The following ADK variants were observed in gnomAD, a reference collection of about 807,000 sequenced individuals.
ADK encodes the protein N6,N6-dimethyladenosine kinase.
Under a neutral mutation model 44.7 loss-of-function variants are expected in ADK, and 24 were observed. The ratio of observed to expected loss-of-function variants is 0.54; its 90% CI spans 0.39 to 0.76. The LOEUF is 0.76. ADK is among the 30% of genes least tolerant of loss of function. The probability of loss-of-function intolerance (pLI) is 0.00; values close to 1 mark genes in which losing one functional copy is unlikely to be tolerated. For missense variants in ADK, 321 were observed against 425.1 expected, an observed-to-expected ratio of 0.76 and a Z score of 2.15; for synonymous variants, 128 against 142.6, an observed-to-expected ratio of 0.90 and a Z score of 0.73.
intron 6 of ADK, among the ~76,000 whole-genome samples, chr10:74,507,033 A>C (rs1848103458): frequency 6.6e-6 from 1 of 152,224 alleles, no homozygotes; most frequent in African/African-American, 2.4e-5. Context: ...TTTTTTAATG[A>C]GATTTTAAAA....
At chr10:74,386,527 T>G (rs1843146744) in intron 4 of ADK, among the ~76,000 whole-genome samples, 1 of 152,212 alleles carries the variant, frequency 6.6e-6, no homozygotes, top group South Asian at 2.1e-4. Context: ...TGCCATTTAT[T>G]TAGGCCTTAT....
At chr10:74,255,508 A>G (rs1342307174) in intron 3 of ADK, among the ~76,000 whole-genome samples, 3 of 152,156 alleles carry the variant, frequency 2.0e-5, no homozygotes, top group East Asian at 1.9e-4. Flanking sequence ...TATCTTGTCA[A>G]TTAACTGGGG....
chr10:74,203,533 T>TC (rs1481679709), intron 2 of ADK, among the ~76,000 whole-genome samples: 1 of 151,592 alleles, frequency 6.6e-6, no homozygotes, highest in Non-Finnish European at 1.5e-5. Context: ...TATTTTAAAT[T>TC]TTTTTTTGTA....
intron 9 of ADK, among the ~76,000 whole-genome samples, chr10:74,660,602 C>T (rs111998539): frequency 4.0e-5 from 6 of 151,658 alleles, no homozygotes; most frequent in East Asian, 3.9e-4. Flanking sequence ...TGGTGGCATG[C>T]GCCTGTAATC....
intron 1 of ADK, among the ~76,000 whole-genome samples, chr10:74,154,419 C>G (rs534858663): frequency 1.3e-5 from 2 of 152,280 alleles, no homozygotes; most frequent in Admixed American, 1.3e-4. Context: ...CAGGCGTACA[C>G]CACTATGCCT....
At chr10:74,322,316 A>G (rs1446642880) in intron 4 of ADK, among the ~76,000 whole-genome samples, 1 of 152,244 alleles carries the variant, frequency 6.6e-6, no homozygotes, top group Non-Finnish European at 1.5e-5. Context: ...ATTTATAATT[A>G]TAGCAGGATG....
chr10:74,162,352 T>C (rs889500132), intron 1 of ADK, among the ~76,000 whole-genome samples: 42 of 152,108 alleles, frequency 2.8e-4, no homozygotes, highest in Non-Finnish European at 2.1e-4. Context: ...AATGGATTCA[T>C]GTGTTGTCTA....
intron 9 of ADK, among the ~76,000 whole-genome samples, chr10:74,648,613 G>T (rs749493632): frequency 1.3e-5 from 2 of 151,000 alleles, no homozygotes; most frequent in Non-Finnish European, 3.0e-5. Context: ...GGGAGGCGGA[G>T]GTTGCAGTGA....
chr10:74,596,822 C>G (rs1009917514), intron 8 of ADK, among the ~76,000 whole-genome samples: 2 of 152,224 alleles, frequency 1.3e-5, no homozygotes, highest in African/African-American at 4.8e-5. Context: ...GCTGGGATTA[C>G]AGGCATGAGC....
chr10:74,505,071 G>C (rs1392980714), intron 6 of ADK, among the ~76,000 whole-genome samples: 1 of 152,106 alleles, frequency 6.6e-6, no homozygotes, highest in Non-Finnish European at 1.5e-5. Context: ...TGGTCTTCCT[G>C]TCTCAGGGGT....
chr10:74,655,674 C>T, intron 9 of ADK: 1 of 466,964 alleles, frequency 2.1e-6, no homozygotes, highest in Middle Eastern at 5.5e-4. Context: ...CCCGGGCCTC[C>T]CGAAGGACAT....
intron 9 of ADK, among the ~76,000 whole-genome samples, chr10:74,647,024 T>G (rs1854076628): frequency 6.6e-6 from 1 of 152,116 alleles, no homozygotes; most frequent in African/African-American, 2.4e-5. Context: ...CATCTCAAAT[T>G]AAAAGGTATT....
chr10:74,398,359 G>A (rs1843588428), intron 5 of ADK, 112 bp from the exon 6 acceptor site: 2 of 562,808 alleles, frequency 3.6e-6, no homozygotes, highest in Non-Finnish European at 6.2e-6. Context: ...TAGTTTTGAA[G>A]AATTAATTAA....
rs149396619 is a variant in ADK, at chr10:74,495,627, T to A, written c.556-29629T>A. ...GTGTTCACATAACCAGCCCAGCCTG[T>A]TCTTAGTTCAGCACTTCACCCATTT... On this transcript the variant is annotated intron_variant, in intron 6 of 10. Coordinates refer to ENST00000539909, the MANE Select transcript of ADK (RefSeq NM_006721.4). 4.6e-3 allele frequency among the ~76,000 whole-genome samples: 704 copies of A among 152,308 alleles called. 7 individuals carry two copies. The highest frequency in any genetic ancestry group is 0.031 in the Middle Eastern group (9 of 294).
At chr10:74,176,969 G>T in intron 1 of ADK, 1 of 1,576,812 alleles carries the variant, frequency 6.3e-7, no homozygotes, top group Non-Finnish European at 8.6e-7. Flanking sequence ...CCTTCTCGCG[G>T]GTGGTCTGGA....
intron 6 of ADK, among the ~76,000 whole-genome samples, chr10:74,480,995 T>C (rs1338477036): frequency 1.3e-5 from 2 of 152,180 alleles, no homozygotes; most frequent in Non-Finnish European, 2.9e-5. Flanking sequence ...TATGTCTTTC[T>C]TCTCTCATTT....
intron 1 of ADK, among the ~76,000 whole-genome samples, chr10:74,152,581 T>G (rs1841632690): frequency 6.6e-6 from 1 of 152,168 alleles, no homozygotes; most frequent in Non-Finnish European, 1.5e-5. Context: ...ACCATCCTAC[T>G]GAACATATAA....
At chr10:74,630,325 CTTTT>C (rs774789253) in intron 9 of ADK, among the ~76,000 whole-genome samples, 3 of 142,344 alleles carry the variant, frequency 2.1e-5, no homozygotes, top group Non-Finnish European at 3.1e-5. Flanking sequence ...AATTATCCCA[CTTTT>C]TTTTTTTTTT....
intron 4 of ADK, among the ~76,000 whole-genome samples, chr10:74,369,417 C>T (rs1842591179): frequency 6.6e-6 from 1 of 152,156 alleles, no homozygotes; most frequent in East Asian, 1.9e-4. Context: ...TGATTGCATT[C>T]ATGAAGTCTA....
Sources: gnomAD v4.1 joint callset for allele counts (sites outside exome capture counted in the v4.1 genomes callset) on GRCh38, gnomAD v4.1.1 for gene constraint, MANE v1.5 for transcripts, NCBI Gene and HGNC (gene_info 2026-07-23, HGNC 2026-07-21) for gene names.